NBEA: variants seen among roughly 807,000 people sequenced by gnomAD.
The protein encoded by NBEA is neurobeachin.
A neutral mutation model predicts 343.4 loss-of-function variants in NBEA; 44 were observed. The observed-to-expected ratio is 0.13, with a 90% CI of 0.10 to 0.16. The LOEUF is 0.16. NBEA is among the 10% of genes least tolerant of loss of function. NBEA has a pLI of 1.00. For missense variants in NBEA, 2,555 were observed against 3,631.3 expected, an observed-to-expected ratio of 0.70 and a Z score of 7.62; for synonymous variants, 1,175 against 1,238.7, an observed-to-expected ratio of 0.95 and a Z score of 1.08.
At chr13:35,097,938 T>TA (rs2065422094) in intron 10 of NBEA, among the ~76,000 whole-genome samples, 1 of 152,098 alleles carries the variant, frequency 6.6e-6, no homozygotes, top group Non-Finnish European at 1.5e-5. Flanking sequence ...AAAAGAATAG[T>TA]ATGATACAGG....
intron 41 of NBEA, among the ~76,000 whole-genome samples, chr13:35,524,315 A>T (rs918348593): frequency 6.6e-6 from 1 of 152,228 alleles, no homozygotes; most frequent in African/African-American, 2.4e-5. Flanking sequence ...TTAAGTTCCA[A>T]AGGAAAAAGT....
At chr13:35,272,525 C>T (rs928578632) in intron 34 of NBEA, among the ~76,000 whole-genome samples, 7 of 152,016 alleles carry the variant, frequency 4.6e-5, no homozygotes, top group East Asian at 1.9e-4. Flanking sequence ...AAAATGTAAA[C>T]GGGCTAAATG....
At chr13:35,513,553 C>A (rs987856420) in intron 41 of NBEA, among the ~76,000 whole-genome samples, 15 of 151,812 alleles carry the variant, frequency 9.9e-5, no homozygotes, top group Admixed American at 2.0e-4. Flanking sequence ...GTCTTATTAT[C>A]CAACTTACAC....
At chr13:35,209,504 T>A (rs1362166431) in intron 32 of NBEA, among the ~76,000 whole-genome samples, 1 of 147,448 alleles carries the variant, frequency 6.8e-6, no homozygotes, top group Non-Finnish European at 1.5e-5. Flanking sequence ...TAAAATAACC[T>A]TTTTTTTTTG....
At chr13:34,944,700 GTATGTTAGCAGGT>G (rs2059135975) in intron 1 of NBEA, among the ~76,000 whole-genome samples, 1 of 152,182 alleles carries the variant, frequency 6.6e-6, no homozygotes, top group Admixed American at 6.5e-5. Context: ...CAAACTGTTA[GTATGTTAGCAGGT>G]AACTGTATTT....
At chr13:35,043,638 A>T (rs1359343982) in intron 2 of NBEA, among the ~76,000 whole-genome samples, 1 of 151,808 alleles carries the variant, frequency 6.6e-6, no homozygotes, top group African/African-American at 2.4e-5. Context: ...TCACTCTGAA[A>T]GTGGCATATC....
rs377468540 is a variant in NBEA, at chr13:35,365,859, C to T, written c.6179+13536C>T. Among the ~76,000 whole-genome samples the T allele has an allele frequency of 2.6e-3, 399 of 151,638 alleles. 1 individual carries two copies. Among genetic ancestry groups the T allele is most frequent in the Non-Finnish European group, 2.4e-3 (163 of 67,634 alleles). On this transcript the variant is annotated intron_variant, in intron 38 of 58. Coordinates refer to ENST00000379939, the MANE Select transcript of NBEA (RefSeq NM_001385012.1). The stretch of plus-strand genomic sequence containing the variant: ...CATAAGTGAAGAGTAAATTGGTTTA[C>T]AGTGATATTGTTCTATATTATATGC...
At chr13:35,007,762 G>T (rs769345215) in intron 1 of NBEA, among the ~76,000 whole-genome samples, 23 of 152,172 alleles carry the variant, frequency 1.5e-4, no homozygotes, top group Non-Finnish European at 2.9e-4. Flanking sequence ...CAAAGTGCTG[G>T]AATTACTGGT....
At chr13:35,650,835 T>C (rs2153079289) in intron 52 of NBEA, among the ~76,000 whole-genome samples, 1 of 152,312 alleles carries the variant, frequency 6.6e-6, no homozygotes, top group East Asian at 1.9e-4. Flanking sequence ...GGACTCCCCG[T>C]CTCCAGAGTT....
chr13:35,560,556 T>G (rs2153021258), intron 44 of NBEA, among the ~76,000 whole-genome samples: 1 of 152,262 alleles, frequency 6.6e-6, no homozygotes, highest in African/African-American at 2.4e-5. Flanking sequence ...GAAAAGCCCT[T>G]GGGATCAACA....
At chr13:35,652,895 C>T (rs1426050745) in intron 53 of NBEA, among the ~76,000 whole-genome samples, 3 of 151,284 alleles carry the variant, frequency 2.0e-5, no homozygotes, top group Admixed American at 2.0e-4. Flanking sequence ...AGGGTTTCAC[C>T]GTGTTAGCCA....
intron 34 of NBEA, among the ~76,000 whole-genome samples, chr13:35,262,606 T>G (rs947567906): frequency 7.9e-5 from 12 of 152,150 alleles, no homozygotes; most frequent in Non-Finnish European, 1.2e-4. Flanking sequence ...TTTCCTTTTT[T>G]GGGGGAAATT....
intron 32 of NBEA, 34 bp from the exon 33 acceptor site, chr13:35,211,019 T>C: frequency 6.5e-7 from 1 of 1,534,030 alleles, no homozygotes; most frequent in South Asian, 1.3e-5. Flanking sequence ...AATAAATTTA[T>C]GTTTAAGGCT....
At chr13:35,237,972 A>G (rs1178724681) in intron 34 of NBEA, among the ~76,000 whole-genome samples, 2 of 152,214 alleles carry the variant, frequency 1.3e-5, no homozygotes, top group Middle Eastern at 3.2e-3. Context: ...CCATTCATTA[A>G]CAGTAGCTAT....
At chr13:35,130,532 A>G (rs1484420935) in intron 17 of NBEA, among the ~76,000 whole-genome samples, 1 of 152,076 alleles carries the variant, frequency 6.6e-6, no homozygotes, top group Admixed American at 6.6e-5. Context: ...CTAGGAATGT[A>G]AAAGTTTCAA....
chr13:35,172,371 G>T (rs1222425497), intron 26 of NBEA, among the ~76,000 whole-genome samples: 2 of 151,942 alleles, frequency 1.3e-5, no homozygotes, highest in African/African-American at 4.8e-5. Flanking sequence ...CAACCAAGAG[G>T]TGTGGGTTAA....
In NBEA at chr13:35,478,376, A is replaced by T. The variant is rs142937363; in HGVS notation, c.6585+5840A>T. Among the ~76,000 whole-genome samples, 137 of 152,184 alleles carry T rather than the reference A, an allele frequency of 9.0e-4. 4 individuals are homozygous for T. In the East Asian group the frequency reaches 0.025, roughly 27 times the overall value. ...CTTTGCCGTCATCGCGGGTGAATGC[A>T]CCACTACCTTTTGGCAGTTGGAGGG... On this transcript the variant is annotated intron_variant, in intron 41 of 58. Transcript: ENST00000379939.
At chr13:35,126,919 CAA>C (rs780669899) in intron 17 of NBEA, among the ~76,000 whole-genome samples, 60 of 58,554 alleles carry the variant, frequency 1.0e-3, no homozygotes, top group African/African-American at 2.4e-3. Context: ...GACTCCATCT[CAA>C]AAAAAAAAAA....
At chr13:35,066,704 CT>C (rs753541241) in intron 8 of NBEA, among the ~76,000 whole-genome samples, 85 of 151,872 alleles carry the variant, frequency 5.6e-4, no homozygotes, top group Non-Finnish European at 1.0e-3. Flanking sequence ...GTTATTGAAT[CT>C]TATTTTATTA....
Sources: gnomAD v4.1 joint callset for allele counts (sites outside exome capture counted in the v4.1 genomes callset) on GRCh38, gnomAD v4.1.1 for gene constraint, MANE v1.5 for transcripts, NCBI Gene and HGNC (gene_info 2026-07-23, HGNC 2026-07-21) for gene names.